Variants in WDR88 observed in about 807,000 individuals in gnomAD.
The protein encoded by WDR88 is WD repeat-containing protein 88.
WDR88 carries 40 observed loss-of-function variants against 46.8 expected under a neutral mutation model. The observed-to-expected ratio is 0.86, with a 90% confidence interval of 0.66 to 1.11. The LOEUF (loss-of-function observed/expected upper bound fraction) is 1.11, where lower values mean the gene tolerates loss of function less well. Ranked by LOEUF, WDR88 falls within the 50% of genes most tolerant of loss-of-function variation. WDR88 has a pLI of 0.00. For missense variants in WDR88, 562 were observed against 602.4 expected, an observed-to-expected ratio of 0.93 and a Z score of 0.70; for synonymous variants, 235 against 240.7, an observed-to-expected ratio of 0.98 and a Z score of 0.22.
At chr19:33,138,934 G>A (rs922065183) in intron 2 of WDR88, among the ~76,000 whole-genome samples, 3 of 151,400 alleles carry the variant, frequency 2.0e-5, no homozygotes, top group Admixed American at 1.3e-4. Flanking sequence ...TACCTGCTTC[G>A]GCCTCCCAAA....
chr19:33,152,039 C>T (rs891838928), intron 6 of WDR88, among the ~76,000 whole-genome samples: 1 of 151,898 alleles, frequency 6.6e-6, no homozygotes, highest in Non-Finnish European at 1.5e-5. Context: ...CGAGACCAGC[C>T]TGGTCAACAT....
chr19:33,144,870 C>T lies in WDR88; in HGVS notation c.414C>T (p.Arg138=). The T allele has an allele frequency of 1.9e-6, 3 of 1,613,650 alleles. No homozygotes were observed. Among genetic ancestry groups the T allele is most frequent in the Non-Finnish European group, 2.5e-6 (3 of 1,179,876 alleles). ...LWDPVDGSVV[R]DFEHRPKAPV... ...ATCCGGTGGACGGTTCTGTGGTTCG[C>T]GATTTTGAGCACAGGCCCAAAGCTC... The change falls in exon 3 of 11, where the codon CGC becomes CGT. Residue 138 remains arginine, a synonymous_variant. Coordinates refer to ENST00000355868, the MANE Select transcript of WDR88 (RefSeq NM_173479.4).
At chr19:33,148,626 A>G in intron 4 of WDR88, 146 bp from the exon 5 acceptor site, 1 of 963,266 alleles carries the variant, frequency 1.0e-6, no homozygotes, top group Non-Finnish European at 1.6e-6. Flanking sequence ...TTTTGTAGAG[A>G]TGGAGATCTT....
intron 10 of WDR88, among the ~76,000 whole-genome samples, chr19:33,173,113 AAAAAAAG>A (rs2145428501): frequency 6.6e-6 from 1 of 150,640 alleles, no homozygotes; most frequent in Admixed American, 6.6e-5. Context: ...AAAAAAAAAA[AAAAAAAG>A]AGAAGAAAGA....
chr19:33,147,576 T>G (rs1247076303), intron 3 of WDR88, 69 bp from the exon 4 acceptor site: 7 of 1,516,390 alleles, frequency 4.6e-6, no homozygotes, highest in East Asian at 4.5e-5. Flanking sequence ...GCACTCCAGC[T>G]GGGGCAACAG....
chr19:33,132,142 G>A lies in WDR88; in HGVS notation c.-28G>A, dbSNP rs1599872597. 2 of 1,556,920 alleles carry A rather than the reference G, an allele frequency of 1.3e-6. No homozygotes were observed. Among genetic ancestry groups the A allele is most frequent in the Non-Finnish European group, 8.6e-7 (1 of 1,156,126 alleles). On this transcript the variant is annotated 5_prime_UTR_variant, in exon 1 of 11. Coordinates refer to ENST00000355868, the MANE Select transcript of WDR88 (RefSeq NM_173479.4). ...GCCACCGTTCCCATCCAGGCTTGTC[G>A]GCGGCCACCGGCGGACCGGGCTTCG...
At chr19:33,169,119 A>G (rs1008308741) in intron 9 of WDR88, among the ~76,000 whole-genome samples, 1 of 152,216 alleles carries the variant, frequency 6.6e-6, no homozygotes, top group East Asian at 1.9e-4. Context: ...TTAACTTGAG[A>G]GCTAAACTAT....
At chr19:33,160,028 G>A (rs183569753) in intron 7 of WDR88, among the ~76,000 whole-genome samples, 27 of 152,112 alleles carry the variant, frequency 1.8e-4, no homozygotes, top group Admixed American at 1.8e-3. Context: ...TCATGCTCCC[G>A]TGAGAATCGA....
intron 6 of WDR88, among the ~76,000 whole-genome samples, chr19:33,155,135 A>G (rs949533034): frequency 1.3e-5 from 2 of 152,160 alleles, no homozygotes; most frequent in African/African-American, 2.4e-5. Context: ...TAAAAATTGG[A>G]ATGAATAACT....
intron 1 of WDR88, among the ~76,000 whole-genome samples, chr19:33,132,670 G>A (rs1973153729): frequency 6.6e-6 from 1 of 152,216 alleles, no homozygotes; most frequent in Non-Finnish European, 1.5e-5. Flanking sequence ...ACTGCCACCT[G>A]CTGGGGAACC....
chr19:33,147,752 G>C (rs754519336), intron 4 of WDR88, 44 bp downstream of exon 4: 1 of 1,589,314 alleles, frequency 6.3e-7, no homozygotes, highest in East Asian at 2.2e-5. Flanking sequence ...CAGCCCAGGG[G>C]CTTGACCAAG....
chr19:33,149,056 C>T lies in WDR88; in HGVS notation c.679+146C>T, dbSNP rs532388814. On this transcript the variant is annotated intron_variant, in intron 5 of 10. Coordinates refer to ENST00000355868, the MANE Select transcript of WDR88 (RefSeq NM_173479.4). ...TAAAGCTGGGACACTAGGCTAGGTG[C>T]GGTGGCTGGGATTGCATCTGTAATC... 2.9e-5 allele frequency: 38 copies of T among 1,330,000 alleles called. 1 individual carries two copies. The South Asian group carries it at 4.2e-4, about 15-fold the overall frequency. 82.4% of individuals were successfully genotyped at this position (1,330,000 alleles called of 1,614,324 possible). A position where few individuals can be genotyped will look rare whatever the true frequency, so the allele number is the denominator to read the frequency against.
chr19:33,149,317 A>G (rs1363215970), intron 5 of WDR88, among the ~76,000 whole-genome samples: 1 of 147,560 alleles, frequency 6.8e-6, no homozygotes, highest in Non-Finnish European at 1.5e-5. Flanking sequence ...GTGAGACTCC[A>G]TCTCAAAAAA....
At chr19:33,163,440 G>A (rs889233687) in intron 8 of WDR88, among the ~76,000 whole-genome samples, 7 of 152,156 alleles carry the variant, frequency 4.6e-5, no homozygotes, top group African/African-American at 7.2e-5. Context: ...AGGTTGCAGT[G>A]AGTGGAGATT....
intron 9 of WDR88, among the ~76,000 whole-genome samples, chr19:33,166,396 C>T (rs1159711214): frequency 6.6e-6 from 1 of 151,678 alleles, no homozygotes; most frequent in Non-Finnish European, 1.5e-5. Flanking sequence ...TTGAGACCAG[C>T]CTAGGCAACG....
chr19:33,145,823 C>CCAAA (rs1973501156), intron 3 of WDR88, among the ~76,000 whole-genome samples: 1 of 152,136 alleles, frequency 6.6e-6, no homozygotes, highest in Non-Finnish European at 1.5e-5. Flanking sequence ...TGTGAGCCAC[C>CCAAA]ATGCCCACAT....
In WDR88 at chr19:33,144,238, C is replaced by T. The variant is rs531952498; in HGVS notation, c.388-606C>T. Among the ~76,000 whole-genome samples, 99 of 152,320 alleles carry T rather than the reference C, an allele frequency of 6.5e-4. 1 individual carries two copies. The highest frequency in any genetic ancestry group is 9.6e-4 in the Non-Finnish European group (65 of 68,034). ...TTTTTGAGACGGTGTCTCGCTCTGT[C>T]GCCCAGGCTGGAATGAAGTGGCGCA... On this transcript the variant is annotated intron_variant, in intron 2 of 10. Transcript: ENST00000355868.
At chr19:33,175,248 A>AAAACAAACAAAC (rs139387848) in intron 10 of WDR88, 148 bp from the exon 11 acceptor site, 101 of 949,966 alleles carry the variant, frequency 1.1e-4, no homozygotes, top group East Asian at 9.0e-4. Flanking sequence ...AACAAAAACA[A>AAAACAAACAAAC]AAACAAACAA....
At position 33,151,304 on chromosome 19, in the gene WDR88, T is replaced by C; in HGVS notation, c.803T>C (p.Ile268Thr). Residue 268 changes from isoleucine (I) to threonine (T), a missense_variant, in exon 6 of 11, where the codon ATC becomes ACC. Ile to Thr is a moderately conservative substitution (Grantham distance 89). Transcript: ENST00000355868. ...DVTSQATLLT[I>T]TKAHSNAISN... ...ACATCCCAGGCCACGCTGCTCACCA[T>C]CACTAAGTGAGTTGGACCCCAGGAG... 1 of 1,612,562 alleles carries C rather than the reference T, an allele frequency of 6.2e-7. No homozygotes were observed. Among genetic ancestry groups the C allele is most frequent in the South Asian group, 1.1e-5 (1 of 90,880 alleles).
Sources: gnomAD v4.1 joint callset for allele counts (sites outside exome capture counted in the v4.1 genomes callset) on GRCh38, gnomAD v4.1.1 for gene constraint, MANE v1.5 for transcripts, NCBI Gene and HGNC (gene_info 2026-07-23, HGNC 2026-07-21) for gene names.